Variants in LEF1 observed in about 807,000 individuals in gnomAD.
LEF1 encodes lymphoid enhancer-binding factor 1.
A neutral mutation model predicts 51.2 loss-of-function variants in LEF1; 14 were observed. The observed-to-expected ratio is 0.27, with a 90% CI of 0.18 to 0.43. LEF1 has a LOEUF of 0.43. LEF1 is among the 20% of genes least tolerant of loss of function. LEF1 has a pLI of 1.00. For missense variants in LEF1, 386 were observed against 512.0 expected (o/e 0.75, Z 2.37); for synonymous variants, 185 against 183.2 (o/e 1.01, Z -0.08).
intron 3 of LEF1, among the ~76,000 whole-genome samples, chr4:108,155,398 C>G (rs1417522765): frequency 1.3e-5 from 2 of 152,198 alleles, no homozygotes; most frequent in African/African-American, 4.8e-5. Flanking sequence ...AAAATCAGAT[C>G]TGTAAAAATA....
At chr4:108,066,866 A>T (rs1738116531) in intron 9 of LEF1, among the ~76,000 whole-genome samples, 2 of 152,226 alleles carry the variant, frequency 1.3e-5, no homozygotes, top group African/African-American at 4.8e-5. Flanking sequence ...AAATTTGTGC[A>T]CTATTAATTA....
At chr4:108,156,975 C>T (rs935810391) in intron 3 of LEF1, among the ~76,000 whole-genome samples, 5 of 151,946 alleles carry the variant, frequency 3.3e-5, no homozygotes, top group Admixed American at 1.3e-4. Flanking sequence ...CAAAATTACA[C>T]TTGTACTCCA....
chr4:108,049,987 C>T (rs113489504), intron 11 of LEF1, among the ~76,000 whole-genome samples: 1 of 152,208 alleles, frequency 6.6e-6, no homozygotes, highest in African/African-American at 2.4e-5. Flanking sequence ...CAGCACAGAG[C>T]AAGCCCTGCA....
chr4:108,090,131 C>G (rs764876572), intron 3 of LEF1, among the ~76,000 whole-genome samples: 1 of 152,052 alleles, frequency 6.6e-6, no homozygotes, highest in Non-Finnish European at 1.5e-5. Context: ...CACCCGCCAC[C>G]ACATTCAGCT....
At chr4:108,055,460 A>C (rs1474837273) in intron 11 of LEF1, among the ~76,000 whole-genome samples, 1 of 152,240 alleles carries the variant, frequency 6.6e-6, no homozygotes, top group Admixed American at 6.5e-5. Context: ...TGCTTTGAAA[A>C]ATTACATGTT....
intron 3 of LEF1, among the ~76,000 whole-genome samples, chr4:108,126,567 C>A (rs959862133): frequency 6.6e-6 from 1 of 151,742 alleles, no homozygotes; most frequent in Admixed American, 6.6e-5. Flanking sequence ...CCTTGGGTGG[C>A]CAAGGAGGGC....
chr4:108,086,582 C>T (rs1477163096), intron 4 of LEF1, among the ~76,000 whole-genome samples: 1 of 152,028 alleles, frequency 6.6e-6, no homozygotes, highest in African/African-American at 2.4e-5. Context: ...TATGTAATTG[C>T]TACTGTTTTA....
chr4:108,062,470 G>A (rs571791705), intron 11 of LEF1, among the ~76,000 whole-genome samples: 2 of 152,286 alleles, frequency 1.3e-5, no homozygotes, highest in East Asian at 1.9e-4. Flanking sequence ...AAGGGCTAGG[G>A]TGAAAGTGAG....
chr4:108,137,852 C>A (rs1431591241), intron 3 of LEF1, among the ~76,000 whole-genome samples: 2 of 152,072 alleles, frequency 1.3e-5, no homozygotes, highest in African/African-American at 4.8e-5. Context: ...CCCAATATAA[C>A]ATGCCAAAAT....
chr4:108,143,360 A>G (rs1743791303), intron 3 of LEF1, among the ~76,000 whole-genome samples: 1 of 152,146 alleles, frequency 6.6e-6, no homozygotes, highest in South Asian at 2.1e-4. Flanking sequence ...AAATCTGTAT[A>G]TTTTTCTCTT....
chr4:108,065,713 T>C (rs905204452), intron 9 of LEF1, among the ~76,000 whole-genome samples: 5 of 152,182 alleles, frequency 3.3e-5, no homozygotes, highest in Non-Finnish European at 7.4e-5. Flanking sequence ...TCTTATAGCC[T>C]TTAAAAAAAT....
intron 3 of LEF1, among the ~76,000 whole-genome samples, chr4:108,162,511 A>T (rs761768367): frequency 1.3e-5 from 2 of 152,206 alleles, no homozygotes; most frequent in Non-Finnish European, 2.9e-5. Context: ...TAAGGTATTA[A>T]CAACGTTACT....
intron 3 of LEF1, among the ~76,000 whole-genome samples, chr4:108,160,338 G>A (rs1744986824): frequency 6.6e-6 from 1 of 152,182 alleles, no homozygotes; most frequent in African/African-American, 2.4e-5. Flanking sequence ...AGGTTTGGGA[G>A]TATGCTTTTA....
At chr4:108,159,934 A>C (rs1010643606) in intron 3 of LEF1, among the ~76,000 whole-genome samples, 7 of 152,194 alleles carry the variant, frequency 4.6e-5, no homozygotes, top group Non-Finnish European at 1.0e-4. Context: ...AAAGATCACA[A>C]AGAACCAAAA....
intron 3 of LEF1, among the ~76,000 whole-genome samples, chr4:108,154,015 A>C (rs1215168323): frequency 6.6e-6 from 1 of 152,232 alleles, no homozygotes; most frequent in East Asian, 1.9e-4. Flanking sequence ...GATCGTCTTT[A>C]ACAATGTGAT....
In LEF1 at chr4:108,167,376, A is replaced by G. The variant is rs542020861; in HGVS notation, c.213+179T>C. The G allele has an allele frequency of 1.6e-6, 1 of 621,508 alleles. No individual in the cohort carries two copies. Among genetic ancestry groups the G allele is most frequent in the Non-Finnish European group, 2.8e-6 (1 of 352,732 alleles). 38.5% of individuals were successfully genotyped at this position (621,508 alleles called of 1,614,324 possible). Reference sequence around the variant, plus strand: ...TACACACACACACACACACACACACACACACACACACACACACACTGCGGA... The same window carrying G: ...TACACACACACACACACACACACACGCACACACACACACACACACTGCGGA... On this transcript the variant is annotated intron_variant, in intron 1 of 11. Transcript: ENST00000265165. This position sits in a 1 kb window ranked among gnomAD's most constrained non-coding sequence, Gnocchi z 5.7.
Position 108,070,809 on chromosome 4 carries a change from C to A in LEF1, c.1009-39G>T, listed in dbSNP as rs768707372. The A allele has an allele frequency of 2.1e-5, 27 of 1,298,950 alleles. No homozygotes were observed. In the African/African-American group the frequency reaches 2.5e-4, roughly 12 times the overall value. 80.5% of individuals were successfully genotyped at this position (1,298,950 alleles called of 1,614,324 possible). A position where few individuals can be genotyped will look rare whatever the true frequency, so the allele number is the denominator to read the frequency against. ...GAAGGAAGAAAAAAACAAAAGTAAGCAAAATAGCAATAGCATATTTTATGT... is the reference window on the plus strand; with the variant it reads ...GAAGGAAGAAAAAAACAAAAGTAAGAAAAATAGCAATAGCATATTTTATGT... On this transcript the variant is annotated intron_variant, in intron 8 of 11. Transcript: ENST00000265165.
At chr4:108,097,599 A>C (rs2110285600) in intron 3 of LEF1, among the ~76,000 whole-genome samples, 1 of 152,330 alleles carries the variant, frequency 6.6e-6, no homozygotes, top group African/African-American at 2.4e-5. Flanking sequence ...TTCCTAACAC[A>C]ATGAAATGAT....
intron 8 of LEF1, chr4:108,072,314 G>C (rs553406732): frequency 1.3e-5 from 2 of 152,228 alleles, no homozygotes; most frequent in African/African-American, 4.8e-5. Context: ...GTGTAGCTAA[G>C]AAAACAAACA....
Sources: gnomAD v4.1 joint callset for allele counts (sites outside exome capture counted in the v4.1 genomes callset) on GRCh38, gnomAD v4.1.1 for gene constraint, Gnocchi (gnomAD v3.1) non-coding constraint, MANE v1.5 for transcripts, NCBI Gene and HGNC (gene_info 2026-07-23, HGNC 2026-07-21) for gene names.